WAC: variants seen among roughly 807,000 people sequenced by gnomAD.
WAC encodes the protein WW domain containing adaptor with coiled-coil, also known as WW domain-containing adapter protein with coiled-coil.
Under a neutral mutation model 79.6 loss-of-function variants are expected in WAC, and 11 were observed. The observed-to-expected ratio is 0.14, with a 90% CI of 0.09 to 0.23. The LOEUF (loss-of-function observed/expected upper bound fraction) is 0.23. WAC is among the 10% of genes least tolerant of loss of function. WAC has a pLI of 1.00. For missense variants in WAC, 728 were observed against 773.5 expected, an observed-to-expected ratio of 0.94 and a Z score of 0.70; for synonymous variants, 304 against 276.9, an observed-to-expected ratio of 1.10 and a Z score of -0.97.
At chr10:28,589,885 C>T (rs757983562) in intron 5 of WAC, 34 bp downstream of exon 5, 5 of 1,482,944 alleles carry the variant, frequency 3.4e-6, no homozygotes, top group Non-Finnish European at 4.7e-6. Context: ...AACATTATTT[C>T]TCTAGCTTGG....
intron 3 of WAC, among the ~76,000 whole-genome samples, chr10:28,547,053 G>A (rs1837386318): frequency 6.6e-6 from 1 of 151,506 alleles, no homozygotes; most frequent in Non-Finnish European, 1.5e-5. Context: ...TTTCCTGTTG[G>A]GTACAAAGAT....
intron 3 of WAC, among the ~76,000 whole-genome samples, chr10:28,543,455 A>G (rs1219630440): frequency 6.6e-6 from 1 of 152,234 alleles, no homozygotes; most frequent in African/African-American, 2.4e-5. Context: ...TTTACAGCAC[A>G]TTTCAGTTTG....
chr10:28,609,875 T>C (rs987135264), intron 8 of WAC, among the ~76,000 whole-genome samples: 1 of 151,834 alleles, frequency 6.6e-6, no homozygotes, highest in Non-Finnish European at 1.5e-5. Context: ...TAATAGTTAA[T>C]GTCAATAATA....
At chr10:28,606,467 G>GTA (rs1840957083) in intron 7 of WAC, among the ~76,000 whole-genome samples, 1 of 152,156 alleles carries the variant, frequency 6.6e-6, no homozygotes, top group Non-Finnish European at 1.5e-5. Context: ...CTTTAAAAGT[G>GTA]TATACCCTTA....
intron 3 of WAC, among the ~76,000 whole-genome samples, chr10:28,577,598 G>A (rs918481702): frequency 2.0e-4 from 31 of 152,212 alleles, no homozygotes; most frequent in African/African-American, 7.2e-4. Context: ...CGCTGGTTAG[G>A]AGTGATGAAA....
chr10:28,603,105 A>G (rs1840716655), intron 7 of WAC, among the ~76,000 whole-genome samples: 1 of 152,222 alleles, frequency 6.6e-6, no homozygotes, highest in Non-Finnish European at 1.5e-5. Flanking sequence ...ATATTATTCC[A>G]TTACTAAAGA....
At chr10:28,596,952 A>G (rs564720018) in intron 7 of WAC, among the ~76,000 whole-genome samples, 1 of 152,250 alleles carries the variant, frequency 6.6e-6, no homozygotes, top group Non-Finnish European at 1.5e-5. Flanking sequence ...AGAATCCTAA[A>G]AAAGAACTTG....
intron 8 of WAC, chr10:28,608,718 T>C (rs1841080140): frequency 3.8e-6 from 1 of 260,870 alleles, no homozygotes; most frequent in Non-Finnish European, 7.2e-6. Flanking sequence ...ATACATAATG[T>C]GTATGGTGAA....
intron 13 of WAC, among the ~76,000 whole-genome samples, 196 bp from the exon 14 acceptor site, chr10:28,619,340 AC>A: frequency 6.6e-6 from 1 of 152,188 alleles, no homozygotes; most frequent in East Asian, 1.9e-4. Flanking sequence ...TCATCCTTAT[AC>A]TTTAATAGAT....
At chr10:28,539,767 C>T (rs1048182309) in intron 3 of WAC, among the ~76,000 whole-genome samples, 3 of 152,112 alleles carry the variant, frequency 2.0e-5, no homozygotes, top group African/African-American at 7.2e-5. Context: ...CCAAGTTGGC[C>T]AGGCTGGTCT....
At chr10:28,580,462 A>G (rs1589191513) in intron 3 of WAC, among the ~76,000 whole-genome samples, 1 of 152,308 alleles carries the variant, frequency 6.6e-6, no homozygotes, top group East Asian at 1.9e-4. Flanking sequence ...CAAACTTTTA[A>G]TGTGGCACTT....
At chr10:28,583,376 A>G (rs1310573033) in intron 3 of WAC, 23 bp from the exon 4 acceptor site, 2 of 1,522,120 alleles carry the variant, frequency 1.3e-6, no homozygotes, top group African/African-American at 2.8e-5. Context: ...CTTGTAATTC[A>G]CTTTGTTCTT....
intron 2 of WAC, chr10:28,534,449 G>T (rs1836500115): frequency 1.2e-5 from 2 of 171,524 alleles, no homozygotes; most frequent in Admixed American, 1.3e-4. Flanking sequence ...ATAGCTAAAT[G>T]ACTTACAACT....
At chr10:28,582,264 T>C (rs1208602485) in intron 3 of WAC, among the ~76,000 whole-genome samples, 1 of 152,228 alleles carries the variant, frequency 6.6e-6, no homozygotes, top group Non-Finnish European at 1.5e-5. Flanking sequence ...TACCTTTGAC[T>C]TCTAATAGAA....
rs763217523 is a variant in WAC at position 28,611,810 on chromosome 10, C to G, written c.1325C>G (p.Ser442Cys). The change falls in exon 10 of 14, where the codon TCT (serine) becomes TGT (cysteine). Residue 442 changes from serine to cysteine, a missense_variant. This residue lies in a region of WAC where 648 missense variants were observed against 661.5 expected (regional missense o/e 0.98). Transcript: ENST00000354911. ...PSNQSPMSLT[S>C]DASSPRSYVS... ...AATCAGTCTCCGATGTCTTTAACATCTGATGCGTCATCCCCAAGATCATAT... is the reference window on the plus strand; with the variant it reads ...AATCAGTCTCCGATGTCTTTAACATGTGATGCGTCATCCCCAAGATCATAT... The G allele has an allele frequency of 1.9e-6, 3 of 1,614,042 alleles. No individual in the cohort carries two copies. Among genetic ancestry groups the G allele is most frequent in the South Asian group, 1.1e-5 (1 of 91,084 alleles).
intron 12 of WAC, 103 bp downstream of exon 12, chr10:28,616,465 T>C: frequency 1.0e-6 from 1 of 954,770 alleles, no homozygotes; most frequent in South Asian, 2.7e-5. Context: ...AAGCAATATT[T>C]AAAATAATGA....
chr10:28,592,920 AGTT>A (rs1166940164), intron 6 of WAC, among the ~76,000 whole-genome samples: 1 of 152,194 alleles, frequency 6.6e-6, no homozygotes, highest in Non-Finnish European at 1.5e-5. Flanking sequence ...ATAATTCTGC[AGTT>A]GTTATATTGA....
At chr10:28,609,926 CTTTTTTT>C (rs35905966) in intron 8 of WAC, among the ~76,000 whole-genome samples, 2 of 115,680 alleles carry the variant, frequency 1.7e-5, no homozygotes, top group Non-Finnish European at 3.5e-5. Context: ...TTCCTAAATA[CTTTTTTT>C]TTTTTTTTTT....
intron 3 of WAC, chr10:28,537,519 A>T (rs530635883): frequency 6.6e-6 from 1 of 152,352 alleles, no homozygotes; most frequent in African/African-American, 2.4e-5. Context: ...GCAAGAAGTC[A>T]GTTTTTCAGT....
Sources: gnomAD v4.1 joint callset for allele counts (sites outside exome capture counted in the v4.1 genomes callset) on GRCh38, gnomAD v4.1.1 for gene constraint, gnomAD v4.1.1 regional missense constraint, MANE v1.5 for transcripts, NCBI Gene and HGNC (gene_info 2026-07-23, HGNC 2026-07-21) for gene names.